Variants in WDR62 observed in about 807,000 individuals in gnomAD.
WDR62 encodes WD repeat-containing protein 62.
Under a neutral mutation model 160.6 loss-of-function variants are expected in WDR62, and 112 were observed. That is an observed-to-expected ratio of 0.70 (90% confidence interval 0.60 to 0.82). The LOEUF is 0.82. Among genes scored for constraint, WDR62 ranks in the 40% least tolerant of loss-of-function variants. WDR62 has a pLI of 0.00. For missense variants in WDR62, 1,819 were observed against 1,983.8 expected (o/e 0.92, Z 1.58); for synonymous variants, 792 against 815.1 (o/e 0.97, Z 0.48).
rs199730336 is a variant in WDR62, at chr19:36,066,251, C to T, written c.391-6C>T. 19 of 1,614,022 alleles carry T rather than the reference C, an allele frequency of 1.2e-5. No individual in the cohort carries two copies. Among genetic ancestry groups the T allele is most frequent in the Admixed American group, 1.7e-5 (1 of 60,010 alleles). ...CCAGCAGCAGTAACGACCCCACCTT[C>T]CCTAGAATGGGCATAGGCCTGCTGT... On this transcript the variant is annotated splice_region_variant and splice_polypyrimidine_tract_variant and intron_variant, in intron 4 of 31. Transcript: ENST00000401500.
At chr19:36,105,190 G>C, downstream of WDR62, 1 of 889,058 alleles carries the variant, frequency 1.1e-6, no homozygotes, top group Non-Finnish European at 1.7e-6. Flanking sequence ...GTGATGCCCA[G>C]AGGACTCGTG....
At chr19:36,079,873 T>C (rs1292515714) in intron 9 of WDR62, among the ~76,000 whole-genome samples, 1 of 152,146 alleles carries the variant, frequency 6.6e-6, no homozygotes, top group Non-Finnish European at 1.5e-5. Context: ...TGTCTGTAGG[T>C]TTGGGTTTTG....
intron 20 of WDR62, 87 bp from the exon 21 acceptor site, chr19:36,096,940 G>T: frequency 1.6e-6 from 2 of 1,255,576 alleles, no homozygotes; most frequent in Non-Finnish European, 1.1e-6. Context: ...GGGTTGTGGT[G>T]TTGCCTCTTT....
chr19:36,091,206 GT>G lies in WDR62; in HGVS notation c.2042del (p.Val681GlyfsTer19), dbSNP rs1568356390. 6.2e-7 allele frequency: 1 copy of G among 1,612,438 alleles called. No individual in the cohort carries two copies. Among genetic ancestry groups the G allele is most frequent in the Non-Finnish European group, 8.5e-7 (1 of 1,179,944 alleles). ...GDEGSLLKVH[V>X]DPSGTFLATS... ...TGGGTCCCTTTCCTGGCAGGTCCAT[GT>G]GGACCCCTCAGGCACCTTCCTGGCC... On this transcript the variant is annotated frameshift_variant, in exon 17 of 32. Transcript: ENST00000401500. LOFTEE classifies it high-confidence loss of function.
Position 36,067,814 on chromosome 19 carries a change from C to T in WDR62, c.700-14C>T, listed in dbSNP as rs1774149946. The T allele has an allele frequency of 6.2e-7, 1 of 1,613,654 alleles. No individual in the cohort carries two copies. On this transcript the variant is annotated splice_polypyrimidine_tract_variant and intron_variant, in intron 6 of 31. Coordinates refer to ENST00000401500, the MANE Select transcript of WDR62 (RefSeq NM_001083961.2). ...GTGTGGACAAGTATCTCACTACGCC[C>T]TCTGTGTCTCCAGGTGACGAGCACA...
Position 36,103,758 on chromosome 19 carries a change from GC to G in WDR62, c.3936del (p.Val1313TrpfsTer12). ...LSSACDGLLQ[P>X]PVDTQPGVTV... ...CAAGTGCCTGTGATGGGCTCCTGCA[GC>G]CCCCCGTGGATACCCAGCCTGGCGT... is the stretch of plus-strand genomic sequence containing the variant. On this transcript the variant is annotated frameshift_variant, in exon 30 of 32. Transcript: ENST00000401500. LOFTEE classifies it high-confidence loss of function. The G allele has an allele frequency of 1.2e-6, 2 of 1,610,766 alleles. No individual in the cohort carries two copies.
chr19:36,105,154 G>C, downstream of WDR62: 2 of 1,256,568 alleles, frequency 1.6e-6, no homozygotes, highest in Non-Finnish European at 2.2e-6. Context: ...CCCTCTTCAA[G>C]TGGAAGTGGG....
Position 36,091,424 on chromosome 19 carries a change from C to T in WDR62, c.2169C>T (p.Phe723=). The T allele has an allele frequency of 6.3e-7, 1 of 1,578,854 alleles. No homozygotes were observed. Among genetic ancestry groups the T allele is most frequent in the Non-Finnish European group, 8.6e-7 (1 of 1,158,290 alleles). Residue 723 remains phenylalanine, a synonymous_variant, in exon 18 of 32, where the codon TTC becomes TTT. Coordinates refer to ENST00000401500, the MANE Select transcript of WDR62 (RefSeq NM_001083961.2). ...GHSEIITSMK[F]TYDCHHLITV... ...CAGAAATTATTACCAGCATGAAGTT[C>T]ACCTATGACTGTCATCACTTGATCA...
At chr19:36,078,991 C>G (rs1971743154) in intron 9 of WDR62, among the ~76,000 whole-genome samples, 1 of 136,770 alleles carries the variant, frequency 7.3e-6, no homozygotes, top group Non-Finnish European at 1.6e-5. Flanking sequence ...ACCAGTTTTT[C>G]TGAAATTTTA....
At position 36,086,714 on chromosome 19, in the gene WDR62, G is replaced by C; in HGVS notation, c.1670G>C (p.Arg557Pro). Residue 557 changes from arginine to proline, a missense_variant, in exon 13 of 32, where the codon CGG (arginine) becomes CCG (proline). By Grantham distance (103) the Arg-to-Pro change is moderately radical. This residue lies in a region of WDR62 where 934 missense variants were observed against 1,157.2 expected (regional missense o/e 0.81). Transcript: ENST00000401500. ...TGLTLLASASRDRLIHVLNVE... is the reference protein window; with the variant it reads ...TGLTLLASASPDRLIHVLNVE... The stretch of plus-strand genomic sequence containing the variant: ...CTGACCTTGCTGGCCTCAGCCAGTC[G>C]GGACCGGCTGATCCATGTGCTGAAC... 6.2e-7 allele frequency: 1 copy of C among 1,604,186 alleles called. No individual in the cohort carries two copies. Among genetic ancestry groups the C allele is most frequent in the Non-Finnish European group, 8.5e-7 (1 of 1,174,948 alleles).
At chr19:36,077,374 G>A (rs139494942) in intron 9 of WDR62, among the ~76,000 whole-genome samples, 5,195 of 149,268 alleles carry the variant, frequency 0.035, 225 homozygotes, top group East Asian at 0.25. Context: ...TCCGCCTCCC[G>A]GGTTCACGCC....
chr19:36,063,587 T>C (rs543936333), intron 3 of WDR62, among the ~76,000 whole-genome samples: 178 of 152,324 alleles, frequency 1.2e-3, no homozygotes, highest in Middle Eastern at 3.4e-3. Context: ...AGGTATTTTG[T>C]AGAGTGTCCC....
intron 3 of WDR62, chr19:36,061,853 T>G (rs1970664558): frequency 6.6e-6 from 1 of 152,224 alleles, no homozygotes; most frequent in African/African-American, 2.4e-5. Context: ...TTTTGAGACT[T>G]TTTATATTGA....
rs1970486703 is a variant in WDR62 at position 36,058,666 on chromosome 19, C to G, written c.178-114C>G. The G allele has an allele frequency of 3.8e-6, 3 of 782,904 alleles. No homozygotes were observed. The East Asian group carries it at 7.9e-5, about 21-fold the overall frequency. 48.5% of individuals were successfully genotyped at this position (782,904 alleles called of 1,614,324 possible). A position where few individuals can be genotyped will look rare whatever the true frequency, so the allele number is the denominator to read the frequency against. On this transcript the variant is annotated intron_variant, in intron 1 of 31. Coordinates refer to ENST00000401500, the MANE Select transcript of WDR62 (RefSeq NM_001083961.2). ...TAGCTGCTGGTGGATGGCGTGGCCA[C>G]AGAAGCTCAGTGTGGGTGTTGAATG...
At chr19:36,069,379 T>C (rs1171415148) in intron 7 of WDR62, among the ~76,000 whole-genome samples, 14 of 151,132 alleles carry the variant, frequency 9.3e-5, no homozygotes, top group Non-Finnish European at 1.6e-4. Flanking sequence ...GAGGCGCTCC[T>C]CACATCCCAG....
Position 36,100,745 on chromosome 19 carries a change from T to A in WDR62, c.2740-3T>A, listed in dbSNP as rs1973277507. On this transcript the variant is annotated splice_region_variant and splice_polypyrimidine_tract_variant and intron_variant, in intron 22 of 31. Coordinates refer to ENST00000401500, the MANE Select transcript of WDR62 (RefSeq NM_001083961.2). ...CAGAATGGCTGTGCTGTCTTCCCCATAGTCAGAGAGTCCCCAGGAAGCTGG... is the reference window on the plus strand; with the variant it reads ...CAGAATGGCTGTGCTGTCTTCCCCAAAGTCAGAGAGTCCCCAGGAAGCTGG... 2 of 1,613,934 alleles carry A rather than the reference T, an allele frequency of 1.2e-6. No individual in the cohort carries two copies. Among genetic ancestry groups the A allele is most frequent in the African/African-American group, 2.7e-5 (2 of 75,034 alleles).
At chr19:36,099,178 C>T (rs1419991265) in intron 21 of WDR62, among the ~76,000 whole-genome samples, 2 of 140,076 alleles carry the variant, frequency 1.4e-5, no homozygotes, top group Admixed American at 7.7e-5. Context: ...GCCAAGGTCA[C>T]GCCACTGCAC....
intron 26 of WDR62, chr19:36,102,526 G>C: frequency 1.6e-6 from 1 of 607,760 alleles, no homozygotes; most frequent in South Asian, 2.0e-5. Flanking sequence ...CTCCCAAAGT[G>C]CTGGGATTAC....
At chr19:36,078,833 CAAAAA>C in intron 9 of WDR62, among the ~76,000 whole-genome samples, 1 of 65,350 alleles carries the variant, frequency 1.5e-5, no homozygotes, top group Admixed American at 1.8e-4. Flanking sequence ...GAGACTCTGT[CAAAAA>C]AAAAAAAAAA....
Sources: allele counts gnomAD v4.1 joint callset (sites outside exome capture counted in the v4.1 genomes callset), GRCh38; gene constraint gnomAD v4.1.1; regional missense constraint gnomAD v4.1.1; transcripts MANE v1.5; gene names NCBI Gene and HGNC (gene_info 2026-07-23, HGNC 2026-07-21).